IKZF4: variants seen among roughly 807,000 people sequenced by gnomAD.
The protein encoded by IKZF4 is IKAROS family zinc finger 4.
In IKZF4, 11 loss-of-function variants were observed where a neutral mutation model predicts 47.7. The ratio of observed to expected loss-of-function variants is 0.23; its 90% CI spans 0.15 to 0.38. IKZF4 has a LOEUF of 0.38. Among genes scored for constraint, IKZF4 ranks in the 10% least tolerant of loss-of-function variants. IKZF4 has a pLI of 1.00. For missense variants in IKZF4, 557 were observed against 784.9 expected, an observed-to-expected ratio of 0.71 and a Z score of 3.47; for synonymous variants, 298 against 299.4, an observed-to-expected ratio of 1.00 and a Z score of 0.05.
chr12:56,035,388 T>C lies in IKZF4; in HGVS notation c.*57T>C. 6.5e-7 allele frequency: 1 copy of C among 1,537,642 alleles called. No individual in the cohort carries two copies. Among genetic ancestry groups the C allele is most frequent in the Non-Finnish European group, 8.8e-7 (1 of 1,137,984 alleles). ...CCACTGCCCTGACTACAGGCATTGA[T>C]CCCTGTCCCCACCATTTCCCAAGGA... is the stretch of plus-strand genomic sequence containing the variant. On this transcript the variant is annotated 3_prime_UTR_variant, in exon 8 of 8. Coordinates refer to ENST00000547167, the MANE Select transcript of IKZF4 (RefSeq NM_022465.4). This position sits in a 1 kb window ranked among gnomAD's most constrained non-coding sequence, Gnocchi z 6.1.
intron 7 of IKZF4, 131 bp from the exon 8 acceptor site, chr12:56,034,440 C>G: frequency 1.1e-6 from 1 of 874,916 alleles, no homozygotes; most frequent in Non-Finnish European, 1.7e-6. Context: ...AGGACCTGAC[C>G]CTGCGAAAGT....
chr12:56,033,083 A>T, intron 6 of IKZF4, 107 bp from the exon 7 acceptor site: 1 of 1,355,262 alleles, frequency 7.4e-7, no homozygotes, highest in South Asian at 1.4e-5. Context: ...GGCAACTGGT[A>T]TGTCCTTCCT....
At chr12:56,031,392 A>C (rs573465019) in intron 5 of IKZF4, among the ~76,000 whole-genome samples, 10 of 152,330 alleles carry the variant, frequency 6.6e-5, no homozygotes, top group African/African-American at 2.4e-4. Context: ...ATCAATTATC[A>C]ATTAAAATTT....
intron 2 of IKZF4, chr12:56,024,847 G>A (rs895004903): frequency 3.5e-6 from 5 of 1,445,078 alleles, no homozygotes; most frequent in African/African-American, 2.8e-5. Context: ...GGTAGGCAAG[G>A]CCCAGCCACT....
Position 56,023,774 on chromosome 12 carries a change from T to C in IKZF4, c.181+10T>C, listed in dbSNP as rs765451675. 1.2e-6 allele frequency: 2 copies of C among 1,612,820 alleles called. No homozygotes were observed. Among genetic ancestry groups the C allele is most frequent in the Non-Finnish European group, 1.7e-6 (2 of 1,179,242 alleles). The stretch of plus-strand genomic sequence containing the variant: ...TCTTTATTTTGTGAAAGTAAGTATG[T>C]GCATAGCTGGGCAATTGGGTAAAGT... On this transcript the variant is annotated intron_variant, in intron 2 of 7. Transcript: ENST00000547167.
chr12:56,030,634 C>G (rs1025009560), intron 5 of IKZF4, among the ~76,000 whole-genome samples: 7 of 151,566 alleles, frequency 4.6e-5, no homozygotes, highest in Non-Finnish European at 8.8e-5. Context: ...GAGGCTGAGA[C>G]AGGAGAATTC....
upstream of IKZF4, chr12:56,020,941 G>A: frequency 9.9e-7 from 1 of 1,010,074 alleles, no homozygotes; most frequent in Non-Finnish European, 1.2e-6. Context: ...GACCTCTGGG[G>A]CCTTGGCTTC....
At chr12:56,007,762 G>GT (rs1318806023) in intron 1 of IKZF4, 7 of 151,960 alleles carry the variant, frequency 4.6e-5, no homozygotes, top group Admixed American at 1.3e-4. Context: ...CTTGGTGGGG[G>GT]TAAAGCGGGG....
chr12:56,024,920 A>G (rs1893694953), intron 2 of IKZF4, 134 bp from the exon 3 acceptor site: 10 of 1,521,878 alleles, frequency 6.6e-6, no homozygotes, highest in Non-Finnish European at 8.8e-6. Context: ...GGTGCCCAGC[A>G]TACAACACTG....
At chr12:56,014,100 G>A (rs957283880) in intron 2 of IKZF4, among the ~76,000 whole-genome samples, 1 of 150,740 alleles carries the variant, frequency 6.6e-6, no homozygotes, top group African/African-American at 2.5e-5. Context: ...GCAGTGAGCT[G>A]AGATGAGATC....
chr12:56,007,733 A>T (rs1444375009), exon 1 of IKZF4: 5 of 146,538 alleles, frequency 3.4e-5, no homozygotes, highest in Non-Finnish European at 3.0e-5. Flanking sequence ...GAGACACCTC[A>T]GGTGAGTGAG....
Position 56,033,213 on chromosome 12 carries a change from A to T in IKZF4, c.889A>T (p.Met297Leu). 6.2e-7 allele frequency: 1 copy of T among 1,613,898 alleles called. No homozygotes were observed. Among genetic ancestry groups the T allele is most frequent in the Non-Finnish European group, 8.5e-7 (1 of 1,179,866 alleles). ...AGGTGACGAAATACGTGACCTGGAG[A>T]TGGTGCCAGACTCCATGCTGCACTC... The part of the protein sequence containing the change: ...QPGDEIRDLE[M>L]VPDSMLHSSS... Residue 297 changes from methionine (M) to leucine (L), a missense_variant, in exon 7 of 8, where the codon ATG becomes TTG. Physicochemically the swap from Met to Leu is conservative, Grantham distance 15. Coordinates refer to ENST00000547167, the MANE Select transcript of IKZF4 (RefSeq NM_022465.4).
In IKZF4 at chr12:56,034,603, C is replaced by T; in HGVS notation, c.1030C>T (p.Leu344Phe). 6 of 1,613,044 alleles carry T rather than the reference C, an allele frequency of 3.7e-6. No homozygotes were observed. The highest frequency in any genetic ancestry group is 5.1e-6 in the Non-Finnish European group (6 of 1,179,304). ...EKQMRFSLSD[L>F]PYDVNSGGYE... is the part of the protein sequence containing the mutation. Reference sequence around the variant, plus strand: ...GCAGATGCGCTTCAGCCTCTCAGACCTCCCCTATGATGTGAACTCGGGTGG... The same window carrying T: ...GCAGATGCGCTTCAGCCTCTCAGACTTCCCCTATGATGTGAACTCGGGTGG... Residue 344 changes from leucine (L) to phenylalanine (F), a missense_variant, in exon 8 of 8, where the codon CTC (leucine) becomes TTC (phenylalanine). Transcript: ENST00000547167.
chr12:56,012,261 G>A (rs1382311959), intron 2 of IKZF4, among the ~76,000 whole-genome samples: 14 of 148,916 alleles, frequency 9.4e-5, no homozygotes, highest in African/African-American at 3.2e-4. Context: ...CATTAAGCAT[G>A]TGTTAAATGA....
At chr12:56,017,769 C>T (rs1180798227), upstream of IKZF4, among the ~76,000 whole-genome samples, 1 of 152,142 alleles carries the variant, frequency 6.6e-6, no homozygotes, top group Non-Finnish European at 1.5e-5. Flanking sequence ...CAGCTCACTG[C>T]AGCCTCGACC....
intron 1 of IKZF4, among the ~76,000 whole-genome samples, chr12:56,022,020 G>A (rs1195540053): frequency 6.6e-6 from 1 of 152,044 alleles, no homozygotes; most frequent in Non-Finnish European, 1.5e-5. Context: ...GCTGAGGATG[G>A]GCGTCTTTCT....
intron 1 of IKZF4, among the ~76,000 whole-genome samples, chr12:56,007,913 T>G (rs1422628391): frequency 2.0e-5 from 3 of 148,332 alleles, no homozygotes; most frequent in Non-Finnish European, 3.0e-5. Flanking sequence ...GCCGGGGGAG[T>G]TTGGCCCGAG....
At chr12:56,028,842 C>T (rs1894481537) in intron 5 of IKZF4, among the ~76,000 whole-genome samples, 2 of 141,926 alleles carry the variant, frequency 1.4e-5, no homozygotes, top group Non-Finnish European at 3.2e-5. Context: ...TCCTGAAGTA[C>T]TGGGATTACA....
intron 1 of IKZF4, chr12:56,007,882 G>C (rs1890897435): frequency 6.5e-6 from 1 of 152,830 alleles, no homozygotes; most frequent in Admixed American, 6.5e-5. Flanking sequence ...GGTTGGGCTG[G>C]GGCCGGAGGG....
Sources: gnomAD v4.1 joint callset for allele counts (sites outside exome capture counted in the v4.1 genomes callset) on GRCh38, gnomAD v4.1.1 for gene constraint, Gnocchi (gnomAD v3.1) non-coding constraint, MANE v1.5 for transcripts, NCBI Gene and HGNC (gene_info 2026-07-23, HGNC 2026-07-21) for gene names.